PMPCB: variants seen among roughly 807,000 people sequenced by gnomAD.
PMPCB encodes mitochondrial-processing peptidase subunit beta.
PMPCB carries 46 observed loss-of-function variants against 61.5 expected under a neutral mutation model. The ratio of observed to expected loss-of-function variants is 0.75; its 90% confidence interval spans 0.59 to 0.96. The LOEUF is 0.96. Ranked by LOEUF, PMPCB falls within the 40% of genes least tolerant of loss-of-function variation. The probability of loss-of-function intolerance (pLI) is 0.00; values close to 1 mark genes in which losing one functional copy is unlikely to be tolerated. For synonymous variants in PMPCB, 191 were observed against 201.6 expected (o/e 0.95, Z 0.44); for missense variants, 590 against 602.4 (o/e 0.98, Z 0.22).
Position 103,303,963 on chromosome 7 carries a change from T to G in PMPCB, c.579T>G (p.Val193=). 1 of 1,614,066 alleles carries G rather than the reference T, an allele frequency of 6.2e-7. No individual in the cohort carries two copies. The highest frequency in any genetic ancestry group is 8.5e-7 in the Non-Finnish European group (1 of 1,179,920). ...QEVETNLQEV[V]FDYLHATAYQ... is the part of the protein sequence containing the mutation. ...TTGAAACCAATTTACAAGAAGTTGT[T>G]TTTGATTATCTTCATGCCACAGCTT... Residue 193 remains valine, a synonymous_variant, in exon 5 of 13, where the codon GTT becomes GTG. Coordinates refer to ENST00000249269, the MANE Select transcript of PMPCB (RefSeq NM_004279.3).
rs1278614078 is a variant in PMPCB, at chr7:103,313,987, A to G, written c.*1716A>G. ...GGCCTGTGAGATCTGTTAAAAGTTAAGCCTAGAAACCAAAGTTCCTTCCCA... is the reference window on the plus strand; with the variant it reads ...GGCCTGTGAGATCTGTTAAAAGTTAGGCCTAGAAACCAAAGTTCCTTCCCA... On this transcript the variant is annotated 3_prime_UTR_variant, in exon 13 of 13. Transcript: ENST00000249269. 5 of 985,294 alleles carry G rather than the reference A, an allele frequency of 5.1e-6. No individual in the cohort carries two copies. The highest frequency in any genetic ancestry group is 6.0e-6 in the Non-Finnish European group (5 of 829,940). 61.0% of individuals were successfully genotyped at this position (985,294 alleles called of 1,614,324 possible).
In PMPCB at chr7:103,313,557, T is replaced by G. The variant is rs1387906804; in HGVS notation, c.*1286T>G. On this transcript the variant is annotated 3_prime_UTR_variant, in exon 13 of 13. Transcript: ENST00000249269. ...ATAGAAACCCTGGAAATCATTCTTG[T>G]TTTACACTGAAGGAAACAAACCTAG... 1.0e-6 allele frequency: 1 copy of G among 982,016 alleles called. No individual in the cohort carries two copies. The highest frequency in any genetic ancestry group is 1.2e-6 in the Non-Finnish European group (1 of 826,944). The allele number at this position is 982,016 out of a possible 1,614,324, so 60.8% of individuals were successfully genotyped here. A position where few individuals can be genotyped will look rare whatever the true frequency, so the allele number is the denominator to read the frequency against.
At chr7:103,319,282 C>T (rs1022596240), downstream of PMPCB, among the ~76,000 whole-genome samples, 13 of 151,958 alleles carry the variant, frequency 8.6e-5, no homozygotes, top group African/African-American at 3.1e-4. Flanking sequence ...ACCAAAAATA[C>T]AAAAATTAGC....
chr7:103,331,476 G>T (rs1818967975), downstream of PMPCB, among the ~76,000 whole-genome samples: 1 of 151,982 alleles, frequency 6.6e-6, no homozygotes, highest in South Asian at 2.1e-4. Context: ...TTGTATGTTT[G>T]TATCCATTGA....
chr7:103,297,619 C>T (rs778148438), intron 1 of PMPCB, 61 bp downstream of exon 1: 2 of 1,603,164 alleles, frequency 1.2e-6, no homozygotes, highest in Non-Finnish European at 1.7e-6. Context: ...CGCAGCGCAC[C>T]TGAGAGTCGG....
chr7:103,303,737 AT>A (rs1198455405), intron 4 of PMPCB, 104 bp from the exon 5 acceptor site: 1 of 710,898 alleles, frequency 1.4e-6, no homozygotes, highest in East Asian at 2.7e-5. Context: ...ATCATTTAGT[AT>A]TGAGTGATGG....
intron 6 of PMPCB, among the ~76,000 whole-genome samples, chr7:103,306,712 T>C (rs1481232430): frequency 6.6e-6 from 1 of 151,932 alleles, no homozygotes; most frequent in Admixed American, 6.6e-5. Flanking sequence ...TAGCAGAGCA[T>C]GGAGAATAAA....
chr7:103,344,708 C>A, the PMPCB span: 1 of 1,410,986 alleles, frequency 7.1e-7, no homozygotes, highest in Non-Finnish European at 9.9e-7. Flanking sequence ...CTACCTCTCA[C>A]TCCGAGCCTC....
downstream of PMPCB, among the ~76,000 whole-genome samples, chr7:103,333,953 T>C (rs1819068446): frequency 6.8e-6 from 1 of 146,092 alleles, no homozygotes; most frequent in African/African-American, 2.5e-5. Context: ...TTGTGAACAT[T>C]TTTTTTTTTT....
chr7:103,344,197 C>A, the PMPCB span: 1 of 278,880 alleles, frequency 3.6e-6, no homozygotes, highest in African/African-American at 2.2e-5. Flanking sequence ...TGTACGACCC[C>A]AGGCACGTGG....
At chr7:103,328,813 G>A in intron 12 of PMPCB, 1 of 284,512 alleles carries the variant, frequency 3.5e-6, no homozygotes, top group East Asian at 1.1e-4. Flanking sequence ...TATAATTTAG[G>A]CATTTCTCTA....
chr7:103,303,137 A>G (rs536533916), intron 4 of PMPCB, among the ~76,000 whole-genome samples: 4 of 152,290 alleles, frequency 2.6e-5, no homozygotes, highest in Non-Finnish European at 4.4e-5. Flanking sequence ...TTTAGATTGT[A>G]AGGATTCTTT....
chr7:103,317,261 C>T, downstream of PMPCB: 1 of 433,884 alleles, frequency 2.3e-6, no homozygotes, highest in Non-Finnish European at 4.1e-6. Context: ...TGTCATGTGA[C>T]TTCCATTAGC....
the PMPCB span, chr7:103,344,675 G>A: frequency 2.5e-6 from 4 of 1,579,574 alleles, no homozygotes; most frequent in South Asian, 1.1e-5. Context: ...CCGGGCGGAG[G>A]GCGCTTAGGG....
downstream of PMPCB, among the ~76,000 whole-genome samples, chr7:103,314,876 G>A (rs537483634): frequency 1.3e-5 from 2 of 152,254 alleles, no homozygotes; most frequent in South Asian, 4.1e-4. Flanking sequence ...ATCTTTCTGC[G>A]ATTAGTTTAA....
intron 8 of PMPCB, among the ~76,000 whole-genome samples, chr7:103,309,593 T>G (rs955176307): frequency 6.6e-6 from 1 of 152,202 alleles, no homozygotes; most frequent in Non-Finnish European, 1.5e-5. Flanking sequence ...TGTGCTTATA[T>G]GCAAATATTA....
chr7:103,314,398 G>A lies in PMPCB; in HGVS notation c.*2127G>A. The A allele has an allele frequency of 2.0e-6, 2 of 985,368 alleles. No homozygotes were observed. The highest frequency in any genetic ancestry group is 2.4e-6 in the Non-Finnish European group (2 of 829,916). 61.0% of individuals were successfully genotyped at this position (985,368 alleles called of 1,614,324 possible). A position where few individuals can be genotyped will look rare whatever the true frequency, so the allele number is the denominator to read the frequency against. On this transcript the variant is annotated 3_prime_UTR_variant, in exon 13 of 13. Coordinates refer to ENST00000249269, the MANE Select transcript of PMPCB (RefSeq NM_004279.3). ...GGAGCCTTCCCATTTCCATAAAAGA[G>A]GCAAAGGAGTCATACCCACATAGCA...
chr7:103,309,259 GA>G (rs1400779191), intron 8 of PMPCB, 164 bp downstream of exon 8: 5 of 538,822 alleles, frequency 9.3e-6, no homozygotes, highest in Admixed American at 8.5e-5. Context: ...ATGTGGGCCA[GA>G]AAAAGTTTCT....
intron 12 of PMPCB, chr7:103,322,754 T>C (rs756246234): frequency 3.7e-6 from 6 of 1,609,114 alleles, no homozygotes; most frequent in Non-Finnish European, 5.1e-6. Flanking sequence ...TGTGCTCTTG[T>C]TGCTCTGTTC....
Sources: allele counts gnomAD v4.1 joint callset (sites outside exome capture counted in the v4.1 genomes callset), GRCh38; gene constraint gnomAD v4.1.1; transcripts MANE v1.5; gene names NCBI Gene and HGNC (gene_info 2026-07-23, HGNC 2026-07-21).